Variants in SNX30 observed in about 807,000 individuals in gnomAD.
SNX30 encodes sorting nexin family member 30.
SNX30 carries 24 observed loss-of-function variants against 46.4 expected under a neutral mutation model. That is an observed-to-expected ratio of 0.52 (90% CI 0.37 to 0.73). The LOEUF (loss-of-function observed/expected upper bound fraction) is 0.73. SNX30 is among the 30% of genes least tolerant of loss of function. The probability of loss-of-function intolerance (pLI) is 0.00; values close to 1 mark genes in which losing one functional copy is unlikely to be tolerated. For missense variants in SNX30, 533 were observed against 555.7 expected (o/e 0.96, Z 0.41); for synonymous variants, 189 against 211.5 (o/e 0.89, Z 0.92).
At chr9:112,758,334 CTCTT>C (rs1839382565) in intron 1 of SNX30, among the ~76,000 whole-genome samples, 1 of 151,740 alleles carries the variant, frequency 6.6e-6, no homozygotes, top group African/African-American at 2.4e-5. Context: ...GTTGCGCTCT[CTCTT>C]TTTTTTTTTG....
intron 4 of SNX30, among the ~76,000 whole-genome samples, chr9:112,834,843 AACACACACAC>A (rs79118828): frequency 7.8e-4 from 61 of 78,412 alleles, no homozygotes; most frequent in Middle Eastern, 6.4e-3. Context: ...CACACACACA[AACACACACAC>A]ACACACACAC....
intron 1 of SNX30, among the ~76,000 whole-genome samples, chr9:112,790,587 C>T (rs921069304): frequency 6.6e-5 from 10 of 152,180 alleles, no homozygotes; most frequent in Non-Finnish European, 1.5e-4. Context: ...GAGCAAGTCA[C>T]GTGTCCAAGG....
At chr9:112,775,801 T>TTA in intron 1 of SNX30, among the ~76,000 whole-genome samples, 1 of 148,190 alleles carries the variant, frequency 6.7e-6, no homozygotes. Flanking sequence ...TTTTTTTTTT[T>TTA]AAAGATGGTA....
Position 112,808,499 on chromosome 9 carries a change from A to G in SNX30, c.348+3532A>G, listed in dbSNP as rs79244572. Among the ~76,000 whole-genome samples the G allele has an allele frequency of 1.6e-3, 241 of 152,306 alleles. 2 individuals carry two copies. The highest frequency in any genetic ancestry group is 2.4e-3 in the Non-Finnish European group (161 of 68,022). ...TTCTGGCTCTTTTTTTCTGGAGACT[A>G]CAAGAAAGTAACATCATAACAGCAG... On this transcript the variant is annotated intron_variant, in intron 2 of 8. Coordinates refer to ENST00000374232, the MANE Select transcript of SNX30 (RefSeq NM_001012994.2).
chr9:112,758,173 G>A (rs1456682862), intron 1 of SNX30, among the ~76,000 whole-genome samples: 1 of 152,128 alleles, frequency 6.6e-6, no homozygotes, highest in Non-Finnish European at 1.5e-5. Context: ...CTTGTTCCAA[G>A]GAGAGAGTCT....
At chr9:112,755,707 G>T (rs1050145752) in intron 1 of SNX30, among the ~76,000 whole-genome samples, 7 of 151,748 alleles carry the variant, frequency 4.6e-5, no homozygotes, top group Non-Finnish European at 7.4e-5. Flanking sequence ...TTGCTGAAAA[G>T]GCCCAGGTAT....
intron 1 of SNX30, among the ~76,000 whole-genome samples, chr9:112,803,937 G>A (rs1368596941): frequency 7.8e-6 from 1 of 127,482 alleles, no homozygotes; most frequent in Non-Finnish European, 1.7e-5. Flanking sequence ...GACTCGGAAA[G>A]GGAACTCCCT....
intron 1 of SNX30, among the ~76,000 whole-genome samples, chr9:112,793,174 T>C (rs922427567): frequency 6.6e-6 from 1 of 152,236 alleles, no homozygotes; most frequent in African/African-American, 2.4e-5. Context: ...TAGCATTGTC[T>C]TAGATCCATA....
intron 1 of SNX30, among the ~76,000 whole-genome samples, chr9:112,753,444 C>T (rs1040325233): frequency 6.6e-6 from 1 of 152,170 alleles, no homozygotes; most frequent in African/African-American, 2.4e-5. Context: ...AGCGCAGTGG[C>T]CTGATCCTGA....
chr9:112,758,916 G>A (rs538519647), intron 1 of SNX30, among the ~76,000 whole-genome samples: 1 of 152,010 alleles, frequency 6.6e-6, no homozygotes, highest in Non-Finnish European at 1.5e-5. Context: ...ACCAGCCCGG[G>A]CAATATAGTG....
chr9:112,812,490 G>A (rs1840335628), intron 2 of SNX30, among the ~76,000 whole-genome samples: 1 of 152,150 alleles, frequency 6.6e-6, no homozygotes, highest in African/African-American at 2.4e-5. Context: ...TCTTGACCAA[G>A]TGATCTGCCC....
intron 2 of SNX30, 90 bp downstream of exon 2, chr9:112,805,057 A>G: frequency 1.1e-6 from 1 of 939,094 alleles, no homozygotes; most frequent in Non-Finnish European, 1.6e-6. Flanking sequence ...TCTCCCCCTT[A>G]TTGTACAACT....
intron 1 of SNX30, among the ~76,000 whole-genome samples, chr9:112,798,397 C>T (rs368785928): frequency 7.5e-5 from 1 of 13,406 alleles, no homozygotes; most frequent in African/African-American, 2.9e-4. Flanking sequence ...TTTGTTCTTG[C>T]GATAGTTTAC....
chr9:112,815,188 C>T (rs1178470443), intron 2 of SNX30, among the ~76,000 whole-genome samples: 1 of 149,054 alleles, frequency 6.7e-6, no homozygotes, highest in Non-Finnish European at 1.5e-5. Flanking sequence ...AAAAAAAAAG[C>T]CTGTTCCCCA....
chr9:112,830,602 G>T, intron 3 of SNX30, 123 bp from the exon 4 acceptor site: 1 of 827,090 alleles, frequency 1.2e-6, no homozygotes, highest in Non-Finnish European at 1.9e-6. Flanking sequence ...ACTACATGAA[G>T]ATCTGCCTGA....
chr9:112,846,951 G>A (rs1840947693), intron 6 of SNX30, among the ~76,000 whole-genome samples: 1 of 152,184 alleles, frequency 6.6e-6, no homozygotes, highest in African/African-American at 2.4e-5. Context: ...GGGAAGGGAT[G>A]CTGTGCTTTC....
At chr9:112,865,179 GACACCCACACACC>G (rs1841303926) in intron 8 of SNX30, among the ~76,000 whole-genome samples, 1 of 73,122 alleles carries the variant, frequency 1.4e-5, no homozygotes, top group African/African-American at 5.5e-5. Context: ...CCCCACACAC[GACACCCACACACC>G]ACACCCACAT....
intron 1 of SNX30, among the ~76,000 whole-genome samples, chr9:112,794,813 T>C (rs1840083222): frequency 6.6e-6 from 1 of 152,216 alleles, no homozygotes; most frequent in African/African-American, 2.4e-5. Flanking sequence ...ATCTTAAAAT[T>C]GAAATTCTTT....
At chr9:112,849,146 G>C (rs1840985611) in intron 6 of SNX30, among the ~76,000 whole-genome samples, 1 of 152,202 alleles carries the variant, frequency 6.6e-6, no homozygotes, top group Non-Finnish European at 1.5e-5. Flanking sequence ...CTGCCCTGCT[G>C]TTCCATTGCA....
Sources: gnomAD v4.1 joint callset for allele counts (sites outside exome capture counted in the v4.1 genomes callset) on GRCh38, gnomAD v4.1.1 for gene constraint, MANE v1.5 for transcripts, NCBI Gene and HGNC (gene_info 2026-07-23, HGNC 2026-07-21) for gene names.